The following SPAG16 variants were observed in gnomAD, a reference collection of about 807,000 sequenced individuals.
The protein encoded by SPAG16 is sperm-associated antigen 16 protein.
SPAG16 carries 86 observed loss-of-function variants against 80.4 expected under a neutral mutation model. That is an observed-to-expected ratio of 1.07 (90% CI 0.90 to 1.28). SPAG16 has a LOEUF of 1.28. Among genes scored for constraint, SPAG16 ranks in the 50% most tolerant of loss-of-function variants. The pLI is 0.00. For synonymous variants in SPAG16, 294 were observed against 265.9 expected, an observed-to-expected ratio of 1.11 and a Z score of -1.03; for missense variants, 870 against 765.3, an observed-to-expected ratio of 1.14 and a Z score of -1.61.
At chr2:213,824,087 G>T (rs2073121607) in intron 10 of SPAG16, among the ~76,000 whole-genome samples, 2 of 152,304 alleles carry the variant, frequency 1.3e-5, no homozygotes, top group African/African-American at 4.8e-5. Flanking sequence ...GTTAATTTTT[G>T]TATGAAGTGT....
At chr2:213,534,771 A>G (rs2076185615) in intron 10 of SPAG16, among the ~76,000 whole-genome samples, 1 of 152,140 alleles carries the variant, frequency 6.6e-6, no homozygotes, top group Non-Finnish European at 1.5e-5. Flanking sequence ...ATTTGTCACA[A>G]ATCAACAAAC....
intron 15 of SPAG16, among the ~76,000 whole-genome samples, chr2:214,212,599 C>A (rs1361612995): frequency 6.6e-6 from 1 of 152,084 alleles, no homozygotes; most frequent in Non-Finnish European, 1.5e-5. Flanking sequence ...GTTAGACCCC[C>A]ATTGATTGGA....
chr2:214,069,908 A>C (rs1310090569), intron 13 of SPAG16, among the ~76,000 whole-genome samples: 2 of 152,168 alleles, frequency 1.3e-5, no homozygotes, highest in East Asian at 3.8e-4. Flanking sequence ...AGGCAAGGCC[A>C]GGAGCTTCTC....
chr2:213,829,067 T>TA (rs1292975642), intron 10 of SPAG16, among the ~76,000 whole-genome samples: 1 of 152,170 alleles, frequency 6.6e-6, no homozygotes, highest in Admixed American at 6.5e-5. Context: ...CCCTGGGCTC[T>TA]AACAATCAGC....
intron 15 of SPAG16, among the ~76,000 whole-genome samples, chr2:214,196,151 G>A (rs72944040): frequency 7.1e-4 from 108 of 152,152 alleles, no homozygotes; most frequent in Non-Finnish European, 1.4e-3. Flanking sequence ...AGTATTGTAT[G>A]CCTCGGGAAG....
intron 15 of SPAG16, among the ~76,000 whole-genome samples, chr2:214,194,030 A>G (rs374014090): frequency 5.9e-5 from 9 of 152,120 alleles, no homozygotes; most frequent in Admixed American, 5.3e-4. Context: ...TACTCTTTAT[A>G]TAATACTCAA....
intron 15 of SPAG16, among the ~76,000 whole-genome samples, chr2:214,179,067 A>G (rs938117020): frequency 9.2e-5 from 14 of 151,370 alleles, no homozygotes; most frequent in Non-Finnish European, 1.8e-4. Context: ...AACTCTAATC[A>G]CTTCTCTACT....
chr2:214,104,572 A>G (rs1458877072), intron 13 of SPAG16, among the ~76,000 whole-genome samples: 1 of 151,806 alleles, frequency 6.6e-6, no homozygotes, highest in Non-Finnish European at 1.5e-5. Flanking sequence ...TTGGGGCTGG[A>G]GTGGGGGAAG....
intron 12 of SPAG16, among the ~76,000 whole-genome samples, chr2:213,986,504 A>C (rs989081555): frequency 4.6e-5 from 7 of 151,762 alleles, no homozygotes; most frequent in Non-Finnish European, 8.8e-5. Context: ...AAATACTGAA[A>C]TCCACAAAAA....
intron 10 of SPAG16, among the ~76,000 whole-genome samples, chr2:213,638,108 G>T (rs1469596897): frequency 6.6e-6 from 1 of 152,080 alleles, no homozygotes; most frequent in Non-Finnish European, 1.5e-5. Flanking sequence ...TTTCATTTCT[G>T]ATTGAGCTTC....
At chr2:213,961,403 G>A (rs375920950) in intron 12 of SPAG16, among the ~76,000 whole-genome samples, 7 of 151,822 alleles carry the variant, frequency 4.6e-5, no homozygotes, top group Non-Finnish European at 8.8e-5. Flanking sequence ...TTTCTTGATC[G>A]TTTTCCCCAG....
intron 15 of SPAG16, among the ~76,000 whole-genome samples, chr2:214,293,053 C>T (rs1050573954): frequency 1.1e-4 from 17 of 152,212 alleles, no homozygotes; most frequent in Non-Finnish European, 2.5e-4. Flanking sequence ...TAGTGGTGGG[C>T]TAAGCATGCC....
intron 15 of SPAG16, among the ~76,000 whole-genome samples, chr2:214,265,730 G>A (rs1329725538): frequency 2.6e-5 from 4 of 151,688 alleles, no homozygotes; most frequent in Non-Finnish European, 5.9e-5. Flanking sequence ...TTATAGTTTT[G>A]CCTTTTACAT....
rs893070797 is a variant in SPAG16 at position 213,721,021 on chromosome 2, G to A, written c.1071-141464G>A. 2.2e-4 allele frequency among the ~76,000 whole-genome samples: 33 copies of A among 150,526 alleles called. 1 individual carries two copies. Among genetic ancestry groups the A allele is most frequent in the Non-Finnish European group, 8.9e-5 (6 of 67,464 alleles). On this transcript the variant is annotated intron_variant, in intron 10 of 15. Coordinates refer to ENST00000331683, the MANE Select transcript of SPAG16 (RefSeq NM_024532.5). ...CCCACCTCAGCCTCCCAAAGTGCTG[G>A]GATTACAGGTGTGAGCCACCGTGCC...
At chr2:213,967,991 TATATA>T (rs2044794889) in intron 12 of SPAG16, among the ~76,000 whole-genome samples, 2 of 152,214 alleles carry the variant, frequency 1.3e-5, no homozygotes, top group African/African-American at 4.8e-5. Flanking sequence ...GTAGAATACT[TATATA>T]ATGTCCAACA....
intron 15 of SPAG16, among the ~76,000 whole-genome samples, chr2:214,381,460 A>C (rs1700445692): frequency 6.6e-6 from 1 of 152,254 alleles, no homozygotes; most frequent in Admixed American, 6.5e-5. Context: ...TTTCATTTAC[A>C]GTAAAATATT....
chr2:213,620,847 A>G (rs2061757363), intron 10 of SPAG16, among the ~76,000 whole-genome samples: 1 of 152,172 alleles, frequency 6.6e-6, no homozygotes, highest in Admixed American at 6.5e-5. Flanking sequence ...TGATAAGACT[A>G]TTAGAGTCTG....
chr2:213,329,872 C>A (rs1195994106), intron 5 of SPAG16, among the ~76,000 whole-genome samples: 2 of 152,188 alleles, frequency 1.3e-5, no homozygotes, highest in East Asian at 3.9e-4. Flanking sequence ...ATTCTAGGGA[C>A]TTGGTGCCTT....
chr2:213,354,250 T>C (rs1290774612), intron 7 of SPAG16, among the ~76,000 whole-genome samples: 1 of 152,238 alleles, frequency 6.6e-6, no homozygotes, highest in Non-Finnish European at 1.5e-5. Context: ...TATTCCATGA[T>C]GTATATGTGC....
Sources: allele counts gnomAD v4.1 joint callset (sites outside exome capture counted in the v4.1 genomes callset), GRCh38; gene constraint gnomAD v4.1.1; transcripts MANE v1.5; gene names NCBI Gene and HGNC (gene_info 2026-07-23, HGNC 2026-07-21).